The following SNAP47 variants were observed in gnomAD, a reference collection of about 807,000 sequenced individuals.
SNAP47 encodes synaptosomal-associated protein 47.
In SNAP47, 20 loss-of-function variants were observed where a neutral mutation model predicts 31.4. That is an observed-to-expected ratio of 0.64 (90% CI 0.45 to 0.93). SNAP47 has a LOEUF of 0.93. Ranked by LOEUF, SNAP47 falls within the 40% of genes least tolerant of loss-of-function variation. The pLI is 0.00. For synonymous variants in SNAP47, 194 were observed against 213.4 expected (o/e 0.91, Z 0.79); for missense variants, 492 against 528.5 (o/e 0.93, Z 0.68).
rs377565711 is a variant in SNAP47 at position 227,766,939 on chromosome 1, A to G, written c.989-20A>G. ...GCAACTCCGAGAGATGTCACTGCTG[A>G]CCATCTGCTCTCCTTGCAGCATCTG... On this transcript the variant is annotated intron_variant, in intron 3 of 4. Coordinates refer to ENST00000617596, the MANE Select transcript of SNAP47 (RefSeq NM_053052.4). 1.4e-5 allele frequency: 22 copies of G among 1,612,818 alleles called. No individual in the cohort carries two copies. The African/African-American group carries it at 2.1e-4, about 16-fold the overall frequency.
chr1:227,767,379 T>TGC (rs1472517685), intron 4 of SNAP47, among the ~76,000 whole-genome samples: 1 of 152,248 alleles, frequency 6.6e-6, no homozygotes, highest in African/African-American at 2.4e-5. Flanking sequence ...TGTGTGTGTG[T>TGC]GCACAGGTGT....
At position 227,729,146 on chromosome 1, in the gene SNAP47, C is replaced by G. The variant is rs1481238052; in HGVS notation, c.-95+360C>G. Among the ~76,000 whole-genome samples, 5 of 152,350 alleles carry G rather than the reference C, an allele frequency of 3.3e-5. No individual in the cohort carries two copies. The East Asian group carries it at 9.6e-4, about 29-fold the overall frequency. On this transcript the variant is annotated intron_variant, in intron 1 of 3. Transcript: ENST00000366760. ...CTCTCCCAGAGGAACAGGGTAGGAG[C>G]CCAGCTCCAGCTGTTTTCCTGTAGG...
chr1:227,751,938 G>A (rs901585174), intron 2 of SNAP47, among the ~76,000 whole-genome samples: 1 of 151,582 alleles, frequency 6.6e-6, no homozygotes, highest in Non-Finnish European at 1.5e-5. Context: ...TAATTTTTTT[G>A]TATTTTTTAG....
chr1:227,769,787 G>A (rs1048618720), intron 4 of SNAP47, among the ~76,000 whole-genome samples: 2 of 152,174 alleles, frequency 1.3e-5, no homozygotes, highest in Admixed American at 1.3e-4. Context: ...TTCTCTTTGC[G>A]GCTGTGGAAT....
chr1:227,780,213 A>G (rs1664383953), intron 4 of SNAP47, among the ~76,000 whole-genome samples: 2 of 152,048 alleles, frequency 1.3e-5, no homozygotes. Context: ...ACGCTCCCAC[A>G]AGGTCAGCCA....
chr1:227,742,951 C>T (rs555561777), intron 1 of SNAP47, among the ~76,000 whole-genome samples: 3 of 152,338 alleles, frequency 2.0e-5, no homozygotes, highest in East Asian at 1.9e-4. Context: ...TGTGGCCTGC[C>T]GACCCTCGCC....
intron 2 of SNAP47, among the ~76,000 whole-genome samples, chr1:227,754,112 G>T (rs1263943731): frequency 6.6e-6 from 1 of 152,248 alleles, no homozygotes; most frequent in African/African-American, 2.4e-5. Flanking sequence ...GCTCTCAGCA[G>T]ATGGGGAAGC....
intron 4 of SNAP47, among the ~76,000 whole-genome samples, chr1:227,777,710 T>C (rs955145560): frequency 6.6e-6 from 1 of 152,202 alleles, no homozygotes; most frequent in African/African-American, 2.4e-5. Context: ...TTAGACAGAT[T>C]TAATACAGCT....
chr1:227,770,685 C>T (rs924594142), intron 4 of SNAP47: 36 of 154,800 alleles, frequency 2.3e-4, no homozygotes, highest in African/African-American at 7.7e-4. Flanking sequence ...TCTGTGTCCT[C>T]TCCTAGTCAG....
intron 1 of SNAP47, among the ~76,000 whole-genome samples, chr1:227,736,961 T>G (rs1420738437): frequency 6.6e-6 from 1 of 152,206 alleles, no homozygotes; most frequent in Non-Finnish European, 1.5e-5. Flanking sequence ...ATAGGAAGGT[T>G]TCAGGAATTT....
chr1:227,735,753 G>C (rs1661092567), intron 1 of SNAP47: 6 of 973,766 alleles, frequency 6.2e-6, no homozygotes, highest in Admixed American at 6.2e-5. Flanking sequence ...GGGAGAGCTG[G>C]GGGGCCCTGG....
At chr1:227,756,062 C>T (rs1662676117) in intron 2 of SNAP47, among the ~76,000 whole-genome samples, 1 of 152,310 alleles carries the variant, frequency 6.6e-6, no homozygotes, top group African/African-American at 2.4e-5. Flanking sequence ...ACATATAAAC[C>T]CAAGCTGTAA....
upstream of SNAP47, chr1:227,733,960 A>G (rs771098512): frequency 6.2e-7 from 1 of 1,613,926 alleles, no homozygotes; most frequent in East Asian, 2.2e-5. Flanking sequence ...CATCCAGTGC[A>G]TCCCAGAACT....
Position 227,767,031 on chromosome 1 carries a change from T to G in SNAP47, c.1061T>G (p.Leu354Arg), listed in dbSNP as rs761144416. Residue 354 changes from leucine (L) to arginine (R), a missense_variant, in exon 4 of 5, where the codon CTG becomes CGG. Leu to Arg is a moderately radical substitution (Grantham distance 102). Coordinates refer to ENST00000617596, the MANE Select transcript of SNAP47 (RefSeq NM_053052.4). ...GACCAGGAGGGCACAGCACTGCACCTGCAGACAAGCCTGCCAGCCCTTTCT... is the reference window on the plus strand; with the variant it reads ...GACCAGGAGGGCACAGCACTGCACCGGCAGACAAGCCTGCCAGCCCTTTCT... ...AGDQEGTALH[L>R]QTSLPALSEA... is the part of the protein sequence containing the mutation. The G allele has an allele frequency of 1.2e-6, 2 of 1,614,054 alleles. No homozygotes were observed. Among genetic ancestry groups the G allele is most frequent in the Non-Finnish European group, 1.7e-6 (2 of 1,180,040 alleles).
chr1:227,752,983 C>A (rs1284649719), intron 2 of SNAP47, among the ~76,000 whole-genome samples: 1 of 152,154 alleles, frequency 6.6e-6, no homozygotes, highest in Non-Finnish European at 1.5e-5. Context: ...TGTTGGTTCT[C>A]AGAGTTGTTG....
At chr1:227,735,253 G>T (rs773255721), upstream of SNAP47, 9 of 1,603,388 alleles carry the variant, frequency 5.6e-6, no homozygotes, top group Non-Finnish European at 8.5e-7. Context: ...TGTCGGCGAG[G>T]GCGCGCGTCT....
At chr1:227,735,712 A>G (rs1052174458) in intron 1 of SNAP47, 2 of 984,204 alleles carry the variant, frequency 2.0e-6, no homozygotes, top group South Asian at 4.7e-5. Flanking sequence ...CCCAGGGATG[A>G]TGGGACCCGG....
intron 3 of SNAP47, among the ~76,000 whole-genome samples, chr1:227,760,647 C>T (rs929319437): frequency 3.9e-5 from 6 of 152,222 alleles, no homozygotes; most frequent in Non-Finnish European, 7.3e-5. Flanking sequence ...CTGGTGGCCT[C>T]TTGGTGTTAT....
In SNAP47 at chr1:227,759,877, A is replaced by G. The variant is rs1168204904; in HGVS notation, c.988+392A>G. On this transcript the variant is annotated intron_variant, in intron 3 of 4. Transcript: ENST00000617596. ...AGTGATGTTCTCATGGTAGTGAGTG[A>G]GTGCTCCCTCTGGGAAGCCTGGATG... 2.0e-5 allele frequency among the ~76,000 whole-genome samples: 3 copies of G among 152,210 alleles called. No homozygotes were observed. In the East Asian group the frequency reaches 5.8e-4, roughly 29 times the overall value.
Sources: allele counts gnomAD v4.1 joint callset (sites outside exome capture counted in the v4.1 genomes callset), GRCh38; gene constraint gnomAD v4.1.1; transcripts MANE v1.5; gene names NCBI Gene and HGNC (gene_info 2026-07-23, HGNC 2026-07-21).